Variants in CHLSN observed in about 807,000 individuals in gnomAD.
CHLSN encodes the protein cholesin.
At chr7:1,018,544 G>A in the CHLSN span, among the ~76,000 whole-genome samples, 1 of 151,894 alleles carries the variant, frequency 6.6e-6, no homozygotes, top group Admixed American at 6.5e-5. Context: ...CTGCCCAGTG[G>A]GAGCAGGCAC....
At chr7:1,018,141 C>T in the CHLSN span, among the ~76,000 whole-genome samples, 2 of 152,202 alleles carry the variant, frequency 1.3e-5, no homozygotes, top group Admixed American at 6.5e-5. Context: ...CTCCATTGAG[C>T]CCTGGCTAAG....
At chr7:1,041,231 G>A in the CHLSN span, among the ~76,000 whole-genome samples, 1 of 145,492 alleles carries the variant, frequency 6.9e-6, no homozygotes, top group Admixed American at 6.8e-5. Context: ...TGGGCTCCGC[G>A]CTGCGGGGAA....
the CHLSN span, among the ~76,000 whole-genome samples, chr7:1,053,288 T>G: frequency 6.6e-6 from 1 of 152,260 alleles, no homozygotes; most frequent in Admixed American, 6.5e-5. Context: ...TCCCCCTCAC[T>G]CGGACGCAGG....
the CHLSN span, chr7:983,160 G>A: frequency 7.0e-7 from 1 of 1,421,250 alleles, no homozygotes; most frequent in African/African-American, 1.5e-5. Context: ...CTATAAGGGT[G>A]CGGGGGGGAC....
chr7:999,900 C>T, the CHLSN span, among the ~76,000 whole-genome samples: 3 of 152,256 alleles, frequency 2.0e-5, no homozygotes, highest in Admixed American at 6.5e-5. Context: ...AATTCTGTCT[C>T]GTTTCATCCT....
the CHLSN span, among the ~76,000 whole-genome samples, chr7:1,121,978 G>C: frequency 2.6e-4 from 40 of 152,346 alleles, no homozygotes; most frequent in Admixed American, 5.9e-4. Context: ...CCGAGGCCTT[G>C]TCTGAGCCCT....
the CHLSN span, among the ~76,000 whole-genome samples, chr7:1,113,036 C>T: frequency 1.3e-5 from 2 of 152,200 alleles, no homozygotes; most frequent in Non-Finnish European, 2.9e-5. Context: ...GTGCAGGATC[C>T]TCCTGTATCT....
the CHLSN span, among the ~76,000 whole-genome samples, chr7:1,017,202 C>G: frequency 1.9e-3 from 292 of 151,914 alleles, 1 homozygote; most frequent in Non-Finnish European, 3.5e-3. Context: ...GAAGTGGTGG[C>G]CGTGCTGCAT....
the CHLSN span, chr7:1,009,920 G>A: frequency 2.0e-6 from 3 of 1,507,388 alleles, no homozygotes; most frequent in Non-Finnish European, 1.8e-6. Context: ...GCACGTCCGG[G>A]ACAGAACCGC....
At chr7:1,019,582 G>A in the CHLSN span, among the ~76,000 whole-genome samples, 7 of 152,264 alleles carry the variant, frequency 4.6e-5, no homozygotes, top group Admixed American at 1.3e-4. Context: ...ACCACAGAGC[G>A]GAGGTGGCCG....
At chr7:1,020,760 AC>A in the CHLSN span, among the ~76,000 whole-genome samples, 2 of 151,942 alleles carry the variant, frequency 1.3e-5, no homozygotes, top group Non-Finnish European at 2.9e-5. Flanking sequence ...TCTGCTGACC[AC>A]CCCTGCAGAC....
At chr7:1,034,494 G>A in the CHLSN span, among the ~76,000 whole-genome samples, 4 of 152,180 alleles carry the variant, frequency 2.6e-5, no homozygotes, top group Admixed American at 2.6e-4. Flanking sequence ...TGACTAGAAG[G>A]AACTGCATGC....
At chr7:1,058,642 C>T in the CHLSN span, 5 of 613,606 alleles carry the variant, frequency 8.1e-6, no homozygotes, top group South Asian at 1.0e-4. Context: ...GGGTGTTTTT[C>T]TTGAAGTTTC....
At chr7:1,090,015 C>T in the CHLSN span, among the ~76,000 whole-genome samples, 1 of 151,456 alleles carries the variant, frequency 6.6e-6, no homozygotes, top group Non-Finnish European at 1.5e-5. Flanking sequence ...ACCCGGGAGG[C>T]GGCAGTTGCA....
the CHLSN span, chr7:983,424 AGCTGCCGTGT>A: frequency 7.0e-7 from 1 of 1,424,588 alleles, no homozygotes; most frequent in Non-Finnish European, 9.2e-7. Flanking sequence ...CCGCTTGGAC[AGCTGCCGTGT>A]CCTGGCCCCC....
At chr7:1,121,066 C>T in the CHLSN span, among the ~76,000 whole-genome samples, 2 of 151,966 alleles carry the variant, frequency 1.3e-5, no homozygotes, top group Admixed American at 6.6e-5. Flanking sequence ...CGGATGGACA[C>T]GGGGCAGCGT....
At chr7:1,089,001 G>C in the CHLSN span, among the ~76,000 whole-genome samples, 1 of 152,050 alleles carries the variant, frequency 6.6e-6, no homozygotes, top group African/African-American at 2.4e-5. Flanking sequence ...TTTTCCCTTG[G>C]AGTTCATTTA....
At chr7:1,111,225 T>C in the CHLSN span, among the ~76,000 whole-genome samples, 9 of 152,256 alleles carry the variant, frequency 5.9e-5, no homozygotes, top group African/African-American at 2.2e-4. Flanking sequence ...GATTAAAATG[T>C]TTTGCTATTT....
chr7:1,038,448 A>G, the CHLSN span, among the ~76,000 whole-genome samples: 1 of 32,326 alleles, frequency 3.1e-5, no homozygotes, highest in African/African-American at 1.8e-4. Flanking sequence ...TCAGCCCCCC[A>G]ACCCGGCCAG....
Sources: gnomAD v4.1 joint callset for allele counts (sites outside exome capture counted in the v4.1 genomes callset) on GRCh38, gnomAD v4.1.1 for gene constraint, MANE v1.5 for transcripts, NCBI Gene and HGNC (gene_info 2026-07-23, HGNC 2026-07-21) for gene names.